EEF2: variants seen among roughly 807,000 people sequenced by gnomAD.
EEF2 encodes eukaryotic translation elongation factor 2, also known as elongation factor 2.
In EEF2, 21 loss-of-function variants were observed where a neutral mutation model predicts 85.3. The ratio of observed to expected loss-of-function variants is 0.25; its 90% confidence interval spans 0.17 to 0.35. The LOEUF (loss-of-function observed/expected upper bound fraction) is 0.35. EEF2 is among the 10% of genes least tolerant of loss of function. The probability of loss-of-function intolerance (pLI) is 1.00; values close to 1 mark genes in which losing one functional copy is unlikely to be tolerated. For synonymous variants in EEF2, 723 were observed against 508.8 expected (o/e 1.42, Z -5.67); for missense variants, 825 against 1,225.3 (o/e 0.67, Z 4.88).
rs553260662 is a variant in EEF2, at chr19:3,977,164, C to T, written c.2383+51G>A. 4.4e-5 allele frequency: 70 copies of T among 1,594,454 alleles called. No homozygotes were observed. The East Asian group carries it at 1.3e-3, about 31-fold the overall frequency. On this transcript the variant is annotated intron_variant, in intron 14 of 14. Transcript: ENST00000309311. The surrounding 1 kb of genome is among the most constrained non-coding windows in gnomAD (Gnocchi z 5.4). ...TTGCTAAGCTTAACTGGGCTTCTGT[C>T]CCCCAAACCAGCCTGCCAGGCTCTG...
intron 9 of EEF2, 29 bp from the exon 10 acceptor site, chr19:3,980,095 C>G: frequency 1.2e-6 from 2 of 1,602,414 alleles, no homozygotes; most frequent in East Asian, 2.2e-5. Flanking sequence ...GGCAGCAGGC[C>G]GCAGGGATGG....
rs2039681010 is a variant in EEF2, at chr19:3,976,474, G to C, written c.*80C>G. 6.7e-7 allele frequency: 1 copy of C among 1,497,182 alleles called. No individual in the cohort carries two copies. The highest frequency in any genetic ancestry group is 1.2e-5 in the South Asian group (1 of 82,044). The allele number at this position is 1,497,182 out of a possible 1,614,324, so 92.7% of individuals were successfully genotyped here. A position where few individuals can be genotyped will look rare whatever the true frequency, so the allele number is the denominator to read the frequency against. ...CGTCGCTGTGTCGGGACAGTCTCCA[G>C]GTGTCGTCTGAGAATTCGAGGACGT... On this transcript the variant is annotated 3_prime_UTR_variant, in exon 15 of 15. Coordinates refer to ENST00000309311, the MANE Select transcript of EEF2 (RefSeq NM_001961.4).
In EEF2 at chr19:3,985,402, C is replaced by CT; in HGVS notation, c.-23dup. The stretch of plus-strand genomic sequence containing the variant: ...CCATGGTGGCGGATGGCGGTGGATT[C>CT]TCCCAGGTAGAACCGAAAGAAGCGA... On this transcript the variant is annotated 5_prime_UTR_variant, in exon 1 of 15. Coordinates refer to ENST00000309311, the MANE Select transcript of EEF2 (RefSeq NM_001961.4). 1 of 1,502,606 alleles carries CT rather than the reference C, an allele frequency of 6.7e-7. No individual in the cohort carries two copies. The highest frequency in any genetic ancestry group is 1.3e-5 in the South Asian group (1 of 78,204). The allele number at this position is 1,502,606 out of a possible 1,614,324, so 93.1% of individuals were successfully genotyped here.
intron 11 of EEF2, 79 bp downstream of exon 11, chr19:3,979,250 G>A (rs2039715292): frequency 6.1e-6 from 7 of 1,156,388 alleles, no homozygotes; most frequent in Non-Finnish European, 9.0e-6. Context: ...CGTCTGCAGA[G>A]CCTAGCTCAG....
intron 11 of EEF2, among the ~76,000 whole-genome samples, chr19:3,978,575 G>A (rs2039705234): frequency 6.6e-6 from 1 of 151,852 alleles, no homozygotes; most frequent in Admixed American, 6.6e-5. Context: ...GGAGGCCGAG[G>A]CGGGTGGATC....
At chr19:3,982,683 T>C (rs1297883427) in intron 4 of EEF2, 124 bp downstream of exon 4, 24 of 1,207,270 alleles carry the variant, frequency 2.0e-5, no homozygotes, top group Non-Finnish European at 2.7e-5. Flanking sequence ...CCAGCCCCCT[T>C]CTCTGTCACC....
rs2039791681 is a variant in EEF2 at position 3,984,243 on chromosome 19, G to A, written c.111C>T (p.Asp37=). Residue 37 remains aspartate (D), a synonymous_variant, in exon 2 of 15, where the codon GAC becomes GAT. Coordinates refer to ENST00000309311, the MANE Select transcript of EEF2 (RefSeq NM_001961.4). The part of the protein sequence containing the change: ...HVDHGKSTLT[D]SLVCKAGIIA... ...TGATGCCCGCCTTGCACACCAGGGA[G>A]TCTGTCAGCGTGGACTTGCCATGGT... 1 of 1,614,194 alleles carries A rather than the reference G, an allele frequency of 6.2e-7. No homozygotes were observed. Among genetic ancestry groups the A allele is most frequent in the Non-Finnish European group, 8.5e-7 (1 of 1,180,032 alleles).
rs776029459 is a variant in EEF2, at chr19:3,985,405, C to A, written c.-25G>T. On this transcript the variant is annotated 5_prime_UTR_variant, in exon 1 of 15. Transcript: ENST00000309311. ...TGGTGGCGGATGGCGGTGGATTCTC[C>A]CAGGTAGAACCGAAAGAAGCGAGTC... 2 of 1,495,832 alleles carry A rather than the reference C, an allele frequency of 1.3e-6. No homozygotes were observed. The highest frequency in any genetic ancestry group is 1.8e-6 in the Non-Finnish European group (2 of 1,117,388). The allele number at this position is 1,495,832 out of a possible 1,614,324, so 92.7% of individuals were successfully genotyped here.
chr19:3,976,773 T>G, intron 14 of EEF2, 26 bp from the exon 15 acceptor site: 5 of 1,512,896 alleles, frequency 3.3e-6, no homozygotes, highest in East Asian at 4.6e-5. Context: ...AGAGGCTCAC[T>G]GGGCCATCGA....
At chr19:3,981,884 G>T (rs1389787695) in intron 6 of EEF2, 63 bp downstream of exon 6, 2 of 1,499,852 alleles carry the variant, frequency 1.3e-6, no homozygotes, top group South Asian at 2.3e-5. Context: ...CTACCGGCCG[G>T]AGCCCACAGG....
intron 10 of EEF2, 55 bp from the exon 11 acceptor site, chr19:3,979,491 C>A: frequency 6.8e-7 from 1 of 1,466,758 alleles, no homozygotes; most frequent in Non-Finnish European, 9.4e-7. Flanking sequence ...ACAGGCGGGA[C>A]CAGGCTCCCA....
chr19:3,976,419 G>T lies in EEF2; in HGVS notation c.*135C>A. 1.1e-6 allele frequency: 1 copy of T among 926,538 alleles called. No homozygotes were observed. The highest frequency in any genetic ancestry group is 1.6e-6 in the Non-Finnish European group (1 of 629,148). The allele number at this position is 926,538 out of a possible 1,614,324, so 57.4% of individuals were successfully genotyped here. ...AAGTGTTATGGTTGAGTGATGGCAC[G>T]CAGCGGGCCCCAGAAACCTCTCAGG... On this transcript the variant is annotated 3_prime_UTR_variant, in exon 15 of 15. Coordinates refer to ENST00000309311, the MANE Select transcript of EEF2 (RefSeq NM_001961.4).
In EEF2 at chr19:3,977,569, G is replaced by C; in HGVS notation, c.2109C>G (p.Asp703Glu). 1 of 1,566,614 alleles carries C rather than the reference G, an allele frequency of 6.4e-7. No homozygotes were observed. Among genetic ancestry groups the C allele is most frequent in the Non-Finnish European group, 8.6e-7 (1 of 1,162,636 alleles). Residue 703 changes from aspartate to glutamate, a missense_variant, in exon 13 of 15, where the codon GAC becomes GAG. By Grantham distance (45) the Asp-to-Glu change is conservative (BLOSUM62 2). Transcript: ENST00000309311. This position sits in a 1 kb window ranked among gnomAD's most constrained non-coding sequence, Gnocchi z 5.4. Reference sequence around the variant, plus strand: ...CGGCGTGCAGGGTGACGTCGTGGACGTCGAAGCGCACACCCCGCATGTTCT... The same window carrying C: ...CGGCGTGCAGGGTGACGTCGTGGACCTCGAAGCGCACACCCCGCATGTTCT... Reference protein sequence around the residue: ...CEENMRGVRFDVHDVTLHADA... With the variant: ...CEENMRGVRFEVHDVTLHADA...
intron 6 of EEF2, 88 bp from the exon 7 acceptor site, chr19:3,981,540 A>T (rs962132952): frequency 1.6e-6 from 2 of 1,247,302 alleles, no homozygotes; most frequent in African/African-American, 1.5e-5. Context: ...GACTCAGGTC[A>T]GCGCAGGGGG....
intron 10 of EEF2, 66 bp downstream of exon 10, chr19:3,979,742 A>G (rs1167358403): frequency 1.3e-6 from 2 of 1,565,198 alleles, no homozygotes; most frequent in African/African-American, 1.3e-5. Flanking sequence ...CCACACAGCC[A>G]CAACTCAGGA....
chr19:3,981,766 G>A (rs1479987754), intron 6 of EEF2, among the ~76,000 whole-genome samples, 181 bp downstream of exon 6: 8 of 152,254 alleles, frequency 5.3e-5, no homozygotes, highest in African/African-American at 1.7e-4. Context: ...CTCTGGCTAT[G>A]CAGTCCAGAT....
rs1476465581 is a variant in EEF2, at chr19:3,981,891, C to CAGGGCCG, written c.897+49_897+55dup. The stretch of plus-strand genomic sequence containing the variant: ...CCGACAGGCTACCGGCCGGAGCCCA[C>CAGGGCCG]AGGGCCGAGGGCCAATAGTCGCATC... On this transcript the variant is annotated intron_variant, in intron 6 of 14. Coordinates refer to ENST00000309311, the MANE Select transcript of EEF2 (RefSeq NM_001961.4). 92 of 1,548,378 alleles carry CAGGGCCG rather than the reference C, an allele frequency of 5.9e-5. 1 individual carries two copies. In the South Asian group the frequency reaches 8.7e-4, roughly 15 times the overall value.
intron 1 of EEF2, chr19:3,984,989 T>C: frequency 3.8e-6 from 1 of 264,198 alleles, no homozygotes; most frequent in Non-Finnish European, 7.2e-6. Flanking sequence ...TGCCATTCCC[T>C]GCCGCCCCTA....
chr19:3,979,658 A>C, intron 10 of EEF2, 150 bp downstream of exon 10: 2 of 1,249,980 alleles, frequency 1.6e-6, no homozygotes, highest in South Asian at 2.8e-5. Flanking sequence ...CCTGGGCAGG[A>C]GTCTCCATTT....
Sources: allele counts gnomAD v4.1 joint callset (sites outside exome capture counted in the v4.1 genomes callset), GRCh38; gene constraint gnomAD v4.1.1; non-coding constraint Gnocchi (gnomAD v3.1); transcripts MANE v1.5; gene names NCBI Gene and HGNC (gene_info 2026-07-23, HGNC 2026-07-21).